The following CCDC126 variants were observed in gnomAD, a reference collection of about 807,000 sequenced individuals.
The protein encoded by CCDC126 is coiled-coil domain containing 126, also known as coiled-coil domain-containing protein 126.
CCDC126 carries 5 observed loss-of-function variants against 11.7 expected under a neutral mutation model. The observed-to-expected ratio is 0.43, with a 90% confidence interval of 0.22 to 0.90. The LOEUF is 0.90. CCDC126 is among the 40% of genes least tolerant of loss of function. The pLI, the probability that CCDC126 is intolerant of heterozygous loss-of-function variation, is 0.27. For missense variants in CCDC126, 150 were observed against 163.1 expected, an observed-to-expected ratio of 0.92 and a Z score of 0.44; for synonymous variants, 60 against 61.9, an observed-to-expected ratio of 0.97 and a Z score of 0.14.
intron 2 of CCDC126, among the ~76,000 whole-genome samples, chr7:23,606,204 G>A (rs1214242831): frequency 6.6e-6 from 1 of 151,952 alleles, no homozygotes; most frequent in Non-Finnish European, 1.5e-5. Context: ...GACTACAGGT[G>A]CCCGCCACCA....
chr7:23,636,784 C>A (rs1303304203), intron 3 of CCDC126, among the ~76,000 whole-genome samples: 2 of 139,940 alleles, frequency 1.4e-5, no homozygotes, highest in African/African-American at 2.7e-5. Flanking sequence ...GGGGGGTCAG[C>A]CCCCCGCCCG....
At chr7:23,638,726 T>TTAAAAAAAAAAAAAAAAAAAAAAAAAAA (rs1491032135) in intron 3 of CCDC126, among the ~76,000 whole-genome samples, 1 of 39,206 alleles carries the variant, frequency 2.6e-5, no homozygotes, top group Non-Finnish European at 4.7e-5. Flanking sequence ...AAAAAAAAAA[T>TTAAAAAAAAAAAAAAAAAAAAAAAAAAA]TAAAAAAAAA....
intron 3 of CCDC126, among the ~76,000 whole-genome samples, chr7:23,636,184 G>A (rs1295128624): frequency 6.6e-6 from 1 of 152,218 alleles, no homozygotes; most frequent in East Asian, 1.9e-4. Context: ...TGCCCAGGCT[G>A]GAGTGCAGTG....
chr7:23,639,926 AGCACTTT>A (rs1783323387), intron 3 of CCDC126, among the ~76,000 whole-genome samples: 1 of 152,222 alleles, frequency 6.6e-6, no homozygotes, highest in East Asian at 1.9e-4. Context: ...CTGTAATCCC[AGCACTTT>A]GGGAGGCCGA....
At chr7:23,635,349 A>G (rs1783191313) in intron 3 of CCDC126, among the ~76,000 whole-genome samples, 1 of 152,246 alleles carries the variant, frequency 6.6e-6, no homozygotes, top group East Asian at 1.9e-4. Flanking sequence ...AAGGTCTAAG[A>G]TAGGGAAGGG....
In CCDC126 at chr7:23,611,441, T is replaced by G. The variant is rs773094723; in HGVS notation, c.126T>G (p.Ser42Arg). The G allele has an allele frequency of 6.2e-7, 1 of 1,613,960 alleles. No homozygotes were observed. The highest frequency in any genetic ancestry group is 1.7e-5 in the Admixed American group (1 of 60,018). ...TTCAACAACCAAGACATCAAAGCAG[T>G]GTCAAGTTACGTGAGCAAATACTAG... ...YTFQQPRHQSSVKLREQILDL... is the reference protein window; with the variant it reads ...YTFQQPRHQSRVKLREQILDL... The change falls in exon 3 of 4, where the codon AGT becomes AGG. Residue 42 changes from serine (S) to arginine (R), a missense_variant. Transcript: ENST00000307471.
intron 2 of CCDC126, among the ~76,000 whole-genome samples, chr7:23,605,398 CTT>C (rs1491449566): frequency 2.0e-5 from 2 of 100,662 alleles, no homozygotes; most frequent in Non-Finnish European, 3.9e-5. Context: ...ATGTGATATG[CTT>C]GTGTGTGTGT....
At chr7:23,600,808 T>A (rs1782527662) in intron 2 of CCDC126, among the ~76,000 whole-genome samples, 1 of 152,228 alleles carries the variant, frequency 6.6e-6, no homozygotes, top group African/African-American at 2.4e-5. Flanking sequence ...GTTGCTATGT[T>A]TGCATAAAAT....
At chr7:23,604,997 CAAAAAAA>C (rs35137744) in intron 2 of CCDC126, among the ~76,000 whole-genome samples, 6 of 92,644 alleles carry the variant, frequency 6.5e-5, no homozygotes, top group East Asian at 4.1e-4. Flanking sequence ...GACTTCGTCT[CAAAAAAA>C]AAAAAAAAAA....
chr7:23,639,140 ACAT>A (rs1022936958), intron 3 of CCDC126, among the ~76,000 whole-genome samples: 2 of 151,814 alleles, frequency 1.3e-5, no homozygotes, highest in African/African-American at 4.8e-5. Context: ...TGTGTGGTAA[ACAT>A]CATATATCTT....
At chr7:23,604,246 G>A (rs778360329) in intron 2 of CCDC126, 4 of 152,222 alleles carry the variant, frequency 2.6e-5, no homozygotes, top group Non-Finnish European at 5.9e-5. Context: ...AGAGCTGACT[G>A]TTATTAACTG....
At chr7:23,619,827 C>T (rs1159802444) in intron 3 of CCDC126, among the ~76,000 whole-genome samples, 12 of 148,258 alleles carry the variant, frequency 8.1e-5, no homozygotes, top group Non-Finnish European at 1.0e-4. Context: ...TGAGAACATG[C>T]GGTGTTTGGT....
intron 3 of CCDC126, among the ~76,000 whole-genome samples, chr7:23,620,850 G>T (rs7801373): frequency 4.2e-4 from 64 of 152,198 alleles, no homozygotes; most frequent in Middle Eastern, 3.4e-3. Context: ...TTTCCCCATT[G>T]CTTGTTTTTG....
At chr7:23,614,788 A>T (rs566712387) in intron 3 of CCDC126, among the ~76,000 whole-genome samples, 35 of 152,278 alleles carry the variant, frequency 2.3e-4, no homozygotes, top group African/African-American at 8.2e-4. Flanking sequence ...TTTTGAAAGG[A>T]ATTGTTTTTT....
At chr7:23,613,349 T>A (rs1782747292) in intron 3 of CCDC126, among the ~76,000 whole-genome samples, 1 of 152,040 alleles carries the variant, frequency 6.6e-6, no homozygotes, top group Admixed American at 6.6e-5. Flanking sequence ...ATTTAAATAA[T>A]CAAAGTGTGT....
At chr7:23,637,491 C>T (rs1783253308) in intron 3 of CCDC126, among the ~76,000 whole-genome samples, 1 of 91,594 alleles carries the variant, frequency 1.1e-5, no homozygotes, top group Non-Finnish European at 2.2e-5. Flanking sequence ...GGGGGGTCAG[C>T]CCCCCGCCCG....
chr7:23,612,192 C>G (rs1329211426), intron 3 of CCDC126, among the ~76,000 whole-genome samples: 2 of 150,214 alleles, frequency 1.3e-5, no homozygotes, highest in African/African-American at 2.4e-5. Flanking sequence ...GTTGATGGCT[C>G]ACATCTGTAA....
In CCDC126 at chr7:23,640,991, G is replaced by GATTTTTTTTTTT. The variant is rs754297249; in HGVS notation, c.239-1940_239-1939insATTTTTTTTTTT. On this transcript the variant is annotated intron_variant, in intron 3 of 3. Coordinates refer to ENST00000307471, the MANE Select transcript of CCDC126 (RefSeq NM_138771.4). ...ATCCCTCTGAGCTCTGAATCCTTTT[G>GATTTTTTTTTTT]GTTTTTTTTTTTTTTTTTTTTTTTG... Among the ~76,000 whole-genome samples the GATTTTTTTTTTT allele has an allele frequency of 1.2e-4, 13 of 110,998 alleles. 6 individuals carry two copies. The highest frequency in any genetic ancestry group is 8.9e-5 in the Non-Finnish European group (5 of 56,286). 72.8% of individuals were successfully genotyped at this position (110,998 alleles called of 152,430 possible). A position where few individuals can be genotyped will look rare whatever the true frequency, so the allele number is the denominator to read the frequency against.
intron 3 of CCDC126, among the ~76,000 whole-genome samples, chr7:23,617,957 C>A (rs893613317): frequency 6.6e-6 from 1 of 152,160 alleles, no homozygotes; most frequent in Non-Finnish European, 1.5e-5. Context: ...CAATTCCCTA[C>A]AGATACAGAG....
Sources: allele counts gnomAD v4.1 joint callset (sites outside exome capture counted in the v4.1 genomes callset), GRCh38; gene constraint gnomAD v4.1.1; transcripts MANE v1.5; gene names NCBI Gene and HGNC (gene_info 2026-07-23, HGNC 2026-07-21).